Variants in KCNH7 observed in about 807,000 individuals in gnomAD.
KCNH7 encodes voltage-gated inwardly rectifying potassium channel KCNH7.
Under a neutral mutation model 120.8 loss-of-function variants are expected in KCNH7, and 49 were observed. The observed-to-expected ratio is 0.41, with a 90% CI of 0.32 to 0.51. The LOEUF is 0.51. Ranked by LOEUF, KCNH7 falls within the 20% of genes least tolerant of loss-of-function variation. The pLI, the probability that KCNH7 is intolerant of heterozygous loss-of-function variation, is 0.38. For missense variants in KCNH7, 1,097 were observed against 1,446.6 expected, an observed-to-expected ratio of 0.76 and a Z score of 3.92; for synonymous variants, 547 against 516.1, an observed-to-expected ratio of 1.06 and a Z score of -0.81.
At chr2:162,807,008 G>C (rs893930460) in intron 2 of KCNH7, among the ~76,000 whole-genome samples, 3 of 151,578 alleles carry the variant, frequency 2.0e-5, no homozygotes, top group African/African-American at 7.3e-5. Flanking sequence ...CTATAGTATA[G>C]AAATAGAAAG....
chr2:162,657,904 T>C (rs1684824609), intron 2 of KCNH7, among the ~76,000 whole-genome samples: 1 of 152,072 alleles, frequency 6.6e-6, no homozygotes, highest in African/African-American at 2.4e-5. Context: ...GGCTTTGGTA[T>C]TACAGACTGG....
chr2:162,668,622 C>T (rs181843023), intron 2 of KCNH7, among the ~76,000 whole-genome samples: 5 of 152,148 alleles, frequency 3.3e-5, no homozygotes, highest in East Asian at 3.9e-4. Context: ...GAAAATAAAT[C>T]TTCCAAGAAG....
At chr2:162,466,492 T>A (rs549196834) in intron 6 of KCNH7, among the ~76,000 whole-genome samples, 76 of 152,248 alleles carry the variant, frequency 5.0e-4, no homozygotes, top group African/African-American at 1.7e-3. Context: ...CCCACTATCA[T>A]GAGAACAGCA....
chr2:162,373,186 A>G (rs1394162576), intron 15 of KCNH7, among the ~76,000 whole-genome samples: 1 of 152,156 alleles, frequency 6.6e-6, no homozygotes. Flanking sequence ...TGTAAATTTA[A>G]GCAGGTTGAT....
At chr2:162,776,851 T>A (rs748192071) in intron 2 of KCNH7, among the ~76,000 whole-genome samples, 2 of 152,222 alleles carry the variant, frequency 1.3e-5, no homozygotes, top group African/African-American at 2.4e-5. Context: ...GTAGAGAAGA[T>A]GAACATGAAG....
chr2:162,375,281 C>T (rs1686121545), intron 14 of KCNH7, among the ~76,000 whole-genome samples: 1 of 152,154 alleles, frequency 6.6e-6, no homozygotes, highest in Admixed American at 6.5e-5. Context: ...AGAACTGCAT[C>T]AACAAGGGAG....
chr2:162,562,465 T>G (rs1301521415), intron 2 of KCNH7, among the ~76,000 whole-genome samples: 1 of 152,190 alleles, frequency 6.6e-6, no homozygotes, highest in African/African-American at 2.4e-5. Context: ...TGTCCTGTTC[T>G]GAACTAGTTG....
intron 2 of KCNH7, among the ~76,000 whole-genome samples, chr2:162,655,535 C>T (rs552130297): frequency 3.3e-5 from 5 of 152,132 alleles, no homozygotes; most frequent in Admixed American, 1.3e-4. Flanking sequence ...GCCTGTAATC[C>T]CAGCACTTTG....
intron 2 of KCNH7, among the ~76,000 whole-genome samples, chr2:162,722,897 G>T (rs1182717363): frequency 1.6e-5 from 2 of 124,024 alleles, no homozygotes; most frequent in South Asian, 2.6e-4. Context: ...ACCTAATCTA[G>T]TCTGCTGCTG....
chr2:162,549,781 T>C (rs1692605998), intron 2 of KCNH7, among the ~76,000 whole-genome samples: 1 of 152,202 alleles, frequency 6.6e-6, no homozygotes, highest in Admixed American at 6.5e-5. Flanking sequence ...GTTGTTATAG[T>C]TTGCTAGAGA....
chr2:162,462,418 AC>A (rs1219850214), intron 6 of KCNH7, among the ~76,000 whole-genome samples: 5 of 151,992 alleles, frequency 3.3e-5, no homozygotes, highest in African/African-American at 1.2e-4. Flanking sequence ...TCTATCACCT[AC>A]AAGAAGTTAA....
At chr2:162,652,375 C>A (rs1331638056) in intron 2 of KCNH7, among the ~76,000 whole-genome samples, 1 of 151,958 alleles carries the variant, frequency 6.6e-6, no homozygotes, top group Non-Finnish European at 1.5e-5. Flanking sequence ...AGCCCTCAAC[C>A]TTTTTTGCCA....
At chr2:162,768,081 G>A (rs1156545161) in intron 2 of KCNH7, among the ~76,000 whole-genome samples, 1 of 152,118 alleles carries the variant, frequency 6.6e-6, no homozygotes, top group East Asian at 1.9e-4. Context: ...GCCATGTTTT[G>A]GGTTAGCAGA....
At chr2:162,627,895 G>C (rs1033608344) in intron 2 of KCNH7, among the ~76,000 whole-genome samples, 3 of 109,192 alleles carry the variant, frequency 2.7e-5, no homozygotes, top group African/African-American at 4.6e-5. Context: ...CCTAGAAGTT[G>C]CTAGTCAGAA....
intron 2 of KCNH7, among the ~76,000 whole-genome samples, chr2:162,819,386 T>A (rs570701330): frequency 6.6e-6 from 1 of 152,300 alleles, no homozygotes; most frequent in South Asian, 2.1e-4. Flanking sequence ...AATAGCAATG[T>A]GTATACACAT....
At chr2:162,557,601 C>A (rs1692903896) in intron 2 of KCNH7, among the ~76,000 whole-genome samples, 1 of 152,046 alleles carries the variant, frequency 6.6e-6, no homozygotes, top group South Asian at 2.1e-4. Context: ...CTAGTCTTTG[C>A]AAAACATATT....
intron 2 of KCNH7, among the ~76,000 whole-genome samples, chr2:162,800,156 T>A (rs938578242): frequency 5.7e-4 from 87 of 151,826 alleles, no homozygotes; most frequent in Non-Finnish European, 3.1e-4. Flanking sequence ...GAAGAAGGAC[T>A]TATGGTGAAG....
intron 12 of KCNH7, among the ~76,000 whole-genome samples, chr2:162,389,334 G>C (rs1181737131): frequency 6.6e-6 from 1 of 151,842 alleles, no homozygotes; most frequent in Non-Finnish European, 1.5e-5. Flanking sequence ...AACTACACAG[G>C]CCAATGTCCC....
At chr2:162,399,965 A>G (rs540020988) in intron 10 of KCNH7, among the ~76,000 whole-genome samples, 4 of 152,066 alleles carry the variant, frequency 2.6e-5, no homozygotes, top group East Asian at 1.9e-4. Context: ...GAAGAGAATC[A>G]TCGAAGCATT....
Sources: allele counts gnomAD v4.1 joint callset (sites outside exome capture counted in the v4.1 genomes callset), GRCh38; gene constraint gnomAD v4.1.1; transcripts MANE v1.5; gene names NCBI Gene and HGNC (gene_info 2026-07-23, HGNC 2026-07-21).